The following GFM1 variants were observed in gnomAD, a reference collection of about 807,000 sequenced individuals.
The protein encoded by GFM1 is elongation factor G, mitochondrial.
GFM1 carries 62 observed loss-of-function variants against 96.2 expected under a neutral mutation model. The ratio of observed to expected loss-of-function variants is 0.64; its 90% CI spans 0.53 to 0.80. The LOEUF (loss-of-function observed/expected upper bound fraction) is 0.80. Among genes scored for constraint, GFM1 ranks in the 30% least tolerant of loss-of-function variants. The probability of loss-of-function intolerance (pLI) is 0.00; values close to 1 mark genes in which losing one functional copy is unlikely to be tolerated. For synonymous variants in GFM1, 282 were observed against 312.9 expected, an observed-to-expected ratio of 0.90 and a Z score of 1.04; for missense variants, 852 against 916.6, an observed-to-expected ratio of 0.93 and a Z score of 0.91.
chr3:158,684,799 C>G (rs114879672), intron 15 of GFM1, 131 bp downstream of exon 15: 1 of 885,456 alleles, frequency 1.1e-6, no homozygotes, highest in South Asian at 1.4e-5. Context: ...AGGTAGTGGG[C>G]AAATCTTTAT....
chr3:158,664,957 G>C (rs1419916834), intron 11 of GFM1, among the ~76,000 whole-genome samples: 1 of 152,112 alleles, frequency 6.6e-6, no homozygotes, highest in African/African-American at 2.4e-5. Context: ...GTAGTGTCTT[G>C]GTAAACATGC....
chr3:158,646,667 A>G (rs1336061605), intron 3 of GFM1, 76 bp from the exon 4 acceptor site: 2 of 1,218,758 alleles, frequency 1.6e-6, no homozygotes, highest in African/African-American at 3.0e-5. Flanking sequence ...GAGCAGAGAT[A>G]CAAAAACTTC....
chr3:158,680,698 C>T (rs947809000), intron 13 of GFM1, among the ~76,000 whole-genome samples: 1 of 152,092 alleles, frequency 6.6e-6, no homozygotes, highest in Admixed American at 6.5e-5. Context: ...AAAAGTAATA[C>T]CTATTTCATG....
At chr3:158,672,559 T>C in intron 13 of GFM1, 2 of 1,566,438 alleles carry the variant, frequency 1.3e-6, no homozygotes, top group East Asian at 4.6e-5. Flanking sequence ...TCCTGCTTGC[T>C]GCTGGGTCCG....
rs535787469 is a variant in GFM1, at chr3:158,691,312, C to A, written c.2125-24C>A. On this transcript the variant is annotated intron_variant, in intron 17 of 17. Transcript: ENST00000486715. ...AAAAACAAACAAACAAACAAAAAAC[C>A]CTCTCTTTTTTTTAAATCCCTAGGG... 5 of 1,613,202 alleles carry A rather than the reference C, an allele frequency of 3.1e-6. No individual in the cohort carries two copies. The African/African-American group carries it at 4.0e-5, about 13-fold the overall frequency.
intron 16 of GFM1, among the ~76,000 whole-genome samples, chr3:158,690,914 G>A (rs188495756): frequency 6.6e-6 from 1 of 152,340 alleles, no homozygotes; most frequent in East Asian, 1.9e-4. Context: ...CCACGAAGTG[G>A]AAAGATTTGG....
At chr3:158,691,031 T>C (rs920630636) in intron 16 of GFM1, 108 bp from the exon 17 acceptor site, 2 of 762,384 alleles carry the variant, frequency 2.6e-6, no homozygotes, top group African/African-American at 3.5e-5. Flanking sequence ...CTAAGAGTAG[T>C]GAGCAGAAAT....
intron 16 of GFM1, chr3:158,690,592 GA>G: frequency 2.4e-6 from 1 of 422,642 alleles, no homozygotes; most frequent in Admixed American, 4.1e-5. Context: ...AAATTAAAAA[GA>G]AAAGGAAAAA....
At chr3:158,690,998 C>T (rs1445980290) in intron 16 of GFM1, 141 bp from the exon 17 acceptor site, 22 of 682,774 alleles carry the variant, frequency 3.2e-5, no homozygotes, top group Non-Finnish European at 5.7e-5. Flanking sequence ...AAATGTTTCT[C>T]TTTGGCTTTT....
rs757524798 is a variant in GFM1 at position 158,654,546 on chromosome 3, G to C, written c.999-1G>C. On this transcript the variant is annotated splice_acceptor_variant, in intron 7 of 17. Coordinates refer to ENST00000486715, the MANE Select transcript of GFM1 (RefSeq NM_024996.7). LOFTEE classifies it high-confidence loss of function. ...TAGATTTATATTTCTTTTATTTTAA[G>C]TGACTCAAAAGAGAAAACCAAAATC... 1 of 1,535,728 alleles carries C rather than the reference G, an allele frequency of 6.5e-7. No homozygotes were observed. Among genetic ancestry groups the C allele is most frequent in the Non-Finnish European group, 9.0e-7 (1 of 1,109,058 alleles).
chr3:158,676,431 C>T (rs546034622), intron 13 of GFM1, among the ~76,000 whole-genome samples: 271 of 152,082 alleles, frequency 1.8e-3, no homozygotes, highest in African/African-American at 6.2e-3. Flanking sequence ...TATGTACACA[C>T]AAGATATGAA....
chr3:158,679,132 T>A (rs1725154493), intron 13 of GFM1, among the ~76,000 whole-genome samples: 1 of 152,230 alleles, frequency 6.6e-6, no homozygotes. Context: ...CCACTTCTAG[T>A]TCTGATGCTG....
chr3:158,680,601 C>T (rs1560143077), intron 13 of GFM1, among the ~76,000 whole-genome samples: 2 of 152,120 alleles, frequency 1.3e-5, no homozygotes, highest in East Asian at 1.9e-4. Flanking sequence ...TAGAGCAAAT[C>T]CTGACCCTAC....
intron 13 of GFM1, chr3:158,672,390 C>G (rs1047352082): frequency 6.2e-7 from 1 of 1,614,076 alleles, no homozygotes; most frequent in Non-Finnish European, 8.5e-7. Flanking sequence ...CTCAAACACC[C>G]TGTGCGGGGT....
intron 5 of GFM1, chr3:158,650,281 T>C (rs1722185593): frequency 3.6e-6 from 2 of 554,068 alleles, no homozygotes; most frequent in Non-Finnish European, 6.5e-6. Flanking sequence ...TATTCACTGC[T>C]ATGTCCCAGC....
At chr3:158,678,155 GACAATTAACCTGTCACAC>G (rs1725061257) in intron 13 of GFM1, among the ~76,000 whole-genome samples, 8 of 152,236 alleles carry the variant, frequency 5.3e-5, no homozygotes, top group Middle Eastern at 6.8e-3. Context: ...ACTGCTCATT[GACAATTAACCTGTCACAC>G]AAGAGCTCTG....
chr3:158,655,413 G>A (rs1420331916), intron 8 of GFM1, among the ~76,000 whole-genome samples: 1 of 151,860 alleles, frequency 6.6e-6, no homozygotes, highest in African/African-American at 2.4e-5. Flanking sequence ...GAACCTGGGA[G>A]GTGGAGGTTG....
intron 1 of GFM1, chr3:158,644,978 AG>A (rs1407825643): frequency 6.9e-5 from 22 of 319,200 alleles, no homozygotes; most frequent in Middle Eastern, 1.8e-3. Context: ...ACCTTTTCTA[AG>A]GTTTTTTTTT....
At chr3:158,669,669 A>G (rs1724077659) in intron 13 of GFM1, 3 of 1,470,298 alleles carry the variant, frequency 2.0e-6, no homozygotes, top group Non-Finnish European at 2.8e-6. Context: ...ATTAATTATC[A>G]TCTTTGAGAT....
Sources: allele counts gnomAD v4.1 joint callset (sites outside exome capture counted in the v4.1 genomes callset), GRCh38; gene constraint gnomAD v4.1.1; transcripts MANE v1.5; gene names NCBI Gene and HGNC (gene_info 2026-07-23, HGNC 2026-07-21).